VPS39: variants seen among roughly 807,000 people sequenced by gnomAD.
VPS39 encodes vam6/Vps39-like protein.
Under a neutral mutation model 121.0 loss-of-function variants are expected in VPS39, and 70 were observed. The ratio of observed to expected loss-of-function variants is 0.58; its 90% confidence interval spans 0.48 to 0.71. The LOEUF (loss-of-function observed/expected upper bound fraction) is 0.71. VPS39 is among the 30% of genes least tolerant of loss of function. The pLI is 0.00. For missense variants in VPS39, 818 were observed against 1,051.5 expected (o/e 0.78, Z 3.07); for synonymous variants, 378 against 398.1 (o/e 0.95, Z 0.60).
intron 23 of VPS39, 46 bp downstream of exon 23, chr15:42,161,983 ATAC>A: frequency 6.2e-7 from 1 of 1,611,596 alleles, no homozygotes; most frequent in Non-Finnish European, 8.5e-7. Context: ...ACATTGTCTC[ATAC>A]TAAAAGTTAA....
Position 42,166,562 on chromosome 15 carries a change from C to T in VPS39, c.1606+1G>A. On this transcript the variant is annotated splice_donor_variant, in intron 15 of 24. Coordinates refer to ENST00000318006, the MANE Select transcript of VPS39 (RefSeq NM_015289.5). LOFTEE classifies it high-confidence loss of function. The stretch of plus-strand genomic sequence containing the variant: ...CCACCCCTTTCAAAAGGCGGACTTA[C>T]CCAGATGCTGCAGATACTGCACTGT... 6.2e-7 allele frequency: 1 copy of T among 1,614,202 alleles called. No homozygotes were observed. The highest frequency in any genetic ancestry group is 2.2e-5 in the East Asian group (1 of 44,886).
At position 42,189,202 on chromosome 15, in the gene VPS39, T is replaced by C; in HGVS notation, c.254A>G (p.Asn85Ser). Reference protein sequence around the residue: ...FKILVSLLENNIYVHDLLTFQ... With the variant: ...FKILVSLLENSIYVHDLLTFQ... ...TGTCAATAGGTCATGGACATAAATG[T>C]TATTTTCTGTTTGGGAGGAGGTATA... The change falls in exon 5 of 25, where the codon AAC becomes AGC. Residue 85 changes from asparagine to serine, a missense_variant. Coordinates refer to ENST00000318006, the MANE Select transcript of VPS39 (RefSeq NM_015289.5). The C allele has an allele frequency of 6.2e-7, 1 of 1,612,454 alleles. No homozygotes were observed. The highest frequency in any genetic ancestry group is 8.5e-7 in the Non-Finnish European group (1 of 1,178,590).
At chr15:42,191,249 A>C (rs2049822175) in intron 3 of VPS39, 82 bp from the exon 4 acceptor site, 1 of 1,517,658 alleles carries the variant, frequency 6.6e-7, no homozygotes, top group Admixed American at 1.7e-5. Flanking sequence ...AGTAATAAAA[A>C]GGGACCACGG....
chr15:42,187,212 G>C, intron 7 of VPS39, 59 bp downstream of exon 7: 1 of 1,396,358 alleles, frequency 7.2e-7, no homozygotes, highest in Non-Finnish European at 9.9e-7. Context: ...GGAGTTTGGA[G>C]CAGATAATCA....
chr15:42,203,642 C>CA (rs1014199403), intron 1 of VPS39, among the ~76,000 whole-genome samples: 19 of 144,006 alleles, frequency 1.3e-4, no homozygotes, highest in South Asian at 4.4e-4. Flanking sequence ...ATTCTGCCTC[C>CA]AAAAAAAAAA....
At chr15:42,175,180 G>A (rs2049424959) in intron 10 of VPS39, among the ~76,000 whole-genome samples, 1 of 152,166 alleles carries the variant, frequency 6.6e-6, no homozygotes, top group South Asian at 2.1e-4. Flanking sequence ...TTGGGAGGCT[G>A]AAGCGGGCGG....
chr15:42,190,257 G>C (rs1279160829), intron 4 of VPS39, among the ~76,000 whole-genome samples: 4 of 152,144 alleles, frequency 2.6e-5, no homozygotes, highest in Admixed American at 6.5e-5. Flanking sequence ...ACTAACCCAT[G>C]GCAATGATTT....
chr15:42,169,303 G>C (rs111404597), intron 12 of VPS39, among the ~76,000 whole-genome samples: 107 of 152,242 alleles, frequency 7.0e-4, no homozygotes, highest in African/African-American at 2.5e-3. Flanking sequence ...CTTACATTCT[G>C]GTGGTAGAGT....
chr15:42,195,401 C>T (rs1412521274), intron 2 of VPS39, among the ~76,000 whole-genome samples: 1 of 152,122 alleles, frequency 6.6e-6, no homozygotes. Context: ...CTGGCGAAAC[C>T]CCATCACTAC....
chr15:42,177,162 TAAAAAAAAA>T (rs369967285), intron 10 of VPS39, among the ~76,000 whole-genome samples: 21 of 56,414 alleles, frequency 3.7e-4, no homozygotes, highest in African/African-American at 7.0e-4. Flanking sequence ...GACCCTGTTT[TAAAAAAAAA>T]AAAAAAAAAA....
At chr15:42,192,864 C>T (rs2049858261) in intron 2 of VPS39, among the ~76,000 whole-genome samples, 3 of 152,068 alleles carry the variant, frequency 2.0e-5, no homozygotes, top group Admixed American at 2.0e-4. Flanking sequence ...CTGCAACATC[C>T]ACCTCCCGGG....
intron 2 of VPS39, chr15:42,192,043 C>A (rs1426236277): frequency 1.2e-5 from 19 of 1,536,254 alleles, no homozygotes; most frequent in Non-Finnish European, 1.2e-5. Context: ...AGAGCTAAAG[C>A]AATTCAATGC....
At chr15:42,174,988 G>C (rs1311442903) in intron 10 of VPS39, among the ~76,000 whole-genome samples, 1 of 152,088 alleles carries the variant, frequency 6.6e-6, no homozygotes, top group East Asian at 1.9e-4. Context: ...AAAAGGATGA[G>C]TTTGAGTTAG....
intron 1 of VPS39, among the ~76,000 whole-genome samples, chr15:42,206,421 G>T (rs1000543083): frequency 1.1e-4 from 17 of 152,206 alleles, no homozygotes; most frequent in African/African-American, 3.9e-4. Flanking sequence ...CTCCTGTTCG[G>T]TGGGTGATCA....
intron 12 of VPS39, among the ~76,000 whole-genome samples, chr15:42,169,168 A>T (rs1422226438): frequency 6.6e-6 from 1 of 152,238 alleles, no homozygotes; most frequent in Non-Finnish European, 1.5e-5. Context: ...AAATTTTTAA[A>T]AAGTTAAGCT....
intron 10 of VPS39, among the ~76,000 whole-genome samples, chr15:42,177,820 C>T (rs2049487628): frequency 6.6e-6 from 1 of 152,128 alleles, no homozygotes; most frequent in Non-Finnish European, 1.5e-5. Flanking sequence ...GTTCCTGCCA[C>T]CATGCCCAGC....
At chr15:42,166,697 A>C (rs765903851) in intron 14 of VPS39, 48 bp from the exon 15 acceptor site, 19 of 1,613,814 alleles carry the variant, frequency 1.2e-5, no homozygotes, top group Non-Finnish European at 1.5e-5. Flanking sequence ...TCCCCACGGG[A>C]GATTTCCATA....
At position 42,163,576 on chromosome 15, in the gene VPS39, A is replaced by T. The variant is rs373758452; in HGVS notation, c.2129+50T>A. The T allele has an allele frequency of 3.8e-6, 6 of 1,565,274 alleles. No individual in the cohort carries two copies. In the African/African-American group the frequency reaches 8.1e-5, roughly 21 times the overall value. The stretch of plus-strand genomic sequence containing the variant: ...GCCTTCTTAACTCTCATCTCTCTGC[A>T]GGGCCTGCTTTTAGACTGCTTAGGA... On this transcript the variant is annotated intron_variant, in intron 20 of 24. Coordinates refer to ENST00000318006, the MANE Select transcript of VPS39 (RefSeq NM_015289.5).
intron 10 of VPS39, among the ~76,000 whole-genome samples, chr15:42,175,803 G>A (rs749469682): frequency 2.0e-5 from 3 of 151,990 alleles, no homozygotes; most frequent in Admixed American, 6.6e-5. Flanking sequence ...CTCCAAATGC[G>A]ATAGACACAG....
Sources: gnomAD v4.1 joint callset for allele counts (sites outside exome capture counted in the v4.1 genomes callset) on GRCh38, gnomAD v4.1.1 for gene constraint, MANE v1.5 for transcripts, NCBI Gene and HGNC (gene_info 2026-07-23, HGNC 2026-07-21) for gene names.